The following RIMS2 variants were observed in gnomAD, a reference collection of about 807,000 sequenced individuals.
The protein encoded by RIMS2 is regulating synaptic membrane exocytosis protein 2.
Under a neutral mutation model 174.4 loss-of-function variants are expected in RIMS2, and 59 were observed. The observed-to-expected ratio is 0.34, with a 90% CI of 0.27 to 0.42. The LOEUF is 0.42. RIMS2 is among the 10% of genes least tolerant of loss of function. The pLI is 1.00. For missense variants in RIMS2, 1,620 were observed against 1,666.3 expected, an observed-to-expected ratio of 0.97 and a Z score of 0.48; for synonymous variants, 606 against 572.5, an observed-to-expected ratio of 1.06 and a Z score of -0.84.
rs535708164 is a variant in RIMS2, at chr8:104,235,933, A to T, written c.3335-8983A>T. 2.0e-5 allele frequency among the ~76,000 whole-genome samples: 3 copies of T among 152,172 alleles called. No homozygotes were observed. The South Asian group carries it at 6.2e-4, about 32-fold the overall frequency. On this transcript the variant is annotated intron_variant, in intron 19 of 23. Transcript: ENST00000504942. ...TTGTTGTTTTTCTCCTTAATCCAGG[A>T]TTCAGTCAAGATTTATTCATTGCAT...
chr8:103,826,687 AAT>A (rs1041965379), intron 3 of RIMS2, among the ~76,000 whole-genome samples: 1 of 148,676 alleles, frequency 6.7e-6, no homozygotes, highest in Non-Finnish European at 1.5e-5. Flanking sequence ...ATATATTTCA[AAT>A]ATATATATAT....
intron 6 of RIMS2, among the ~76,000 whole-genome samples, chr8:103,914,466 A>G (rs1042214212): frequency 1.3e-5 from 2 of 152,332 alleles, no homozygotes; most frequent in Admixed American, 6.5e-5. Context: ...AAGCTTTAAG[A>G]TATCAATAAT....
At chr8:103,823,832 G>A (rs943182947) in intron 3 of RIMS2, among the ~76,000 whole-genome samples, 1 of 151,974 alleles carries the variant, frequency 6.6e-6, no homozygotes, top group Non-Finnish European at 1.5e-5. Flanking sequence ...TATGATTCCA[G>A]CACAGTTGAT....
exon 20 of RIMS2, chr8:104,244,980 A>G: frequency 1.2e-6 from 2 of 1,613,938 alleles, no homozygotes; most frequent in Non-Finnish European, 1.7e-6. Flanking sequence ...TGGCCGTGGA[A>G]ATGAGGAACT....
At chr8:103,550,514 A>C (rs1847258873) in intron 1 of RIMS2, among the ~76,000 whole-genome samples, 1 of 152,182 alleles carries the variant, frequency 6.6e-6, no homozygotes, top group Non-Finnish European at 1.5e-5. Flanking sequence ...GAAAGATCTA[A>C]AATTGACACC....
chr8:103,901,498 G>A (rs2099327689), intron 4 of RIMS2, among the ~76,000 whole-genome samples: 1 of 152,066 alleles, frequency 6.6e-6, no homozygotes, highest in Admixed American at 6.6e-5. Context: ...CCCACTAGTT[G>A]CAGGAAATGA....
chr8:103,628,915 G>A (rs1325658250), intron 1 of RIMS2, among the ~76,000 whole-genome samples: 1 of 152,140 alleles, frequency 6.6e-6, no homozygotes, highest in Non-Finnish European at 1.5e-5. Context: ...ATGGAGCACT[G>A]CAGCTACCCA....
chr8:104,030,635 TC>T (rs1391042585), intron 19 of RIMS2, among the ~76,000 whole-genome samples: 1 of 152,148 alleles, frequency 6.6e-6, no homozygotes, highest in Non-Finnish European at 1.5e-5. Context: ...CAGACATGCT[TC>T]TAACTCAGGA....
chr8:103,804,051 A>G (rs2154457743), intron 3 of RIMS2, among the ~76,000 whole-genome samples: 1 of 152,324 alleles, frequency 6.6e-6, no homozygotes, highest in East Asian at 1.9e-4. Flanking sequence ...ATTTTAAGCT[A>G]TTAAAAATAT....
intron 2 of RIMS2, among the ~76,000 whole-genome samples, chr8:103,754,377 T>A (rs944503450): frequency 1.3e-5 from 2 of 152,050 alleles, no homozygotes; most frequent in Non-Finnish European, 2.9e-5. Context: ...AATAAGTGCG[T>A]TGTGGTGCTG....
chr8:104,120,698 T>TA (rs1486001665), intron 19 of RIMS2, among the ~76,000 whole-genome samples: 6 of 152,140 alleles, frequency 3.9e-5, no homozygotes, highest in African/African-American at 1.4e-4. Context: ...AAAATGATCT[T>TA]ACAACAGGCA....
At chr8:103,799,486 G>A (rs1160256066) in intron 3 of RIMS2, among the ~76,000 whole-genome samples, 1 of 152,046 alleles carries the variant, frequency 6.6e-6, no homozygotes, top group Non-Finnish European at 1.5e-5. Flanking sequence ...TGTCTATGTA[G>A]ATGTATAATT....
intron 3 of RIMS2, among the ~76,000 whole-genome samples, chr8:103,851,335 A>G (rs1187037759): frequency 6.6e-6 from 1 of 151,882 alleles, no homozygotes; most frequent in Admixed American, 6.6e-5. Context: ...CTAGTTATGT[A>G]TAAAGTTGCT....
intron 1 of RIMS2, among the ~76,000 whole-genome samples, chr8:103,502,566 TTACTC>T (rs759850360): frequency 2.6e-5 from 4 of 152,142 alleles, no homozygotes; most frequent in East Asian, 1.9e-4. Flanking sequence ...CTTAAGCAGT[TTACTC>T]TAACTAATAG....
At chr8:104,065,963 T>C (rs947374776) in intron 19 of RIMS2, among the ~76,000 whole-genome samples, 1 of 152,206 alleles carries the variant, frequency 6.6e-6, no homozygotes, top group Non-Finnish European at 1.5e-5. Flanking sequence ...AAAGTTATAT[T>C]GCATAAATCT....
At chr8:103,928,046 G>A (rs1159954805) in intron 11 of RIMS2, among the ~76,000 whole-genome samples, 3 of 151,430 alleles carry the variant, frequency 2.0e-5, no homozygotes, top group African/African-American at 7.3e-5. Context: ...GTAAAATTTT[G>A]CATGGGGATT....
intron 19 of RIMS2, among the ~76,000 whole-genome samples, chr8:104,238,996 C>A (rs775174738): frequency 1.3e-3 from 200 of 152,106 alleles, no homozygotes; most frequent in Non-Finnish European, 2.4e-3. Context: ...ATTGAGAAAA[C>A]CCTGAATCCA....
intron 3 of RIMS2, among the ~76,000 whole-genome samples, chr8:103,774,211 G>A (rs954592395): frequency 5.3e-5 from 8 of 152,154 alleles, no homozygotes; most frequent in Non-Finnish European, 1.0e-4. Flanking sequence ...CTTATACTGA[G>A]ACTCTGTCTC....
chr8:103,917,710 C>T (rs564427054), intron 8 of RIMS2, among the ~76,000 whole-genome samples: 1 of 152,146 alleles, frequency 6.6e-6, no homozygotes, highest in South Asian at 2.1e-4. Flanking sequence ...GCCTTTTTCT[C>T]AATGATGTTA....
Sources: gnomAD v4.1 joint callset for allele counts (sites outside exome capture counted in the v4.1 genomes callset) on GRCh38, gnomAD v4.1.1 for gene constraint, MANE v1.5 for transcripts, NCBI Gene and HGNC (gene_info 2026-07-23, HGNC 2026-07-21) for gene names.